Variants in TMEM132D observed in about 807,000 individuals in gnomAD.
TMEM132D encodes mature OL transmembrane protein.
Under a neutral mutation model 62.3 loss-of-function variants are expected in TMEM132D, and 21 were observed. The ratio of observed to expected loss-of-function variants is 0.34; its 90% CI spans 0.24 to 0.49. TMEM132D has a LOEUF of 0.49. TMEM132D is among the 20% of genes least tolerant of loss of function. TMEM132D has a pLI of 0.99. For missense variants in TMEM132D, 1,346 were observed against 1,402.8 expected (o/e 0.96, Z 0.65); for synonymous variants, 621 against 575.6 (o/e 1.08, Z -1.13).
chr12:129,372,664 T>C (rs953180615), intron 3 of TMEM132D, among the ~76,000 whole-genome samples: 1 of 151,954 alleles, frequency 6.6e-6, no homozygotes, highest in Non-Finnish European at 1.5e-5. Flanking sequence ...AAACTATGCA[T>C]GTGAGGGATC....
chr12:129,511,619 G>T (rs1000507031), intron 3 of TMEM132D, among the ~76,000 whole-genome samples: 1 of 152,070 alleles, frequency 6.6e-6, no homozygotes, highest in Non-Finnish European at 1.5e-5. Flanking sequence ...GTGCCTATTT[G>T]CCATCTGTAT....
At chr12:129,351,073 T>C (rs1869846383) in intron 3 of TMEM132D, among the ~76,000 whole-genome samples, 1 of 152,096 alleles carries the variant, frequency 6.6e-6, no homozygotes. Context: ...ACAGACCAGA[T>C]GTGGATGGGA....
chr12:129,814,503 T>G (rs1593172395), intron 1 of TMEM132D, among the ~76,000 whole-genome samples: 2 of 142,348 alleles, frequency 1.4e-5, no homozygotes, highest in South Asian at 4.5e-4. Context: ...CCCAGCTACT[T>G]GGGAGGCTGA....
At chr12:129,418,539 A>G (rs1386184902) in intron 3 of TMEM132D, among the ~76,000 whole-genome samples, 4 of 152,088 alleles carry the variant, frequency 2.6e-5, no homozygotes, top group African/African-American at 9.7e-5. Context: ...GGAGGGGAAC[A>G]TCACACACCG....
intron 3 of TMEM132D, among the ~76,000 whole-genome samples, chr12:129,497,638 C>T (rs990254656): frequency 6.6e-6 from 1 of 151,880 alleles, no homozygotes; most frequent in Non-Finnish European, 1.5e-5. Flanking sequence ...CTTTGAAAAG[C>T]TTATTAGAGC....
At chr12:129,755,522 C>T (rs537839073) in intron 1 of TMEM132D, among the ~76,000 whole-genome samples, 48 of 152,098 alleles carry the variant, frequency 3.2e-4, no homozygotes, top group Admixed American at 7.2e-4. Flanking sequence ...CCCGATCGCT[C>T]ATCAGGGTCT....
At chr12:129,357,032 G>A (rs1209607228) in intron 3 of TMEM132D, among the ~76,000 whole-genome samples, 1 of 151,592 alleles carries the variant, frequency 6.6e-6, no homozygotes, top group Non-Finnish European at 1.5e-5. Context: ...GGATCACGAG[G>A]TCAGGAGATC....
intron 5 of TMEM132D, among the ~76,000 whole-genome samples, chr12:129,183,494 C>A (rs1384581054): frequency 2.0e-5 from 3 of 152,238 alleles, no homozygotes; most frequent in Non-Finnish European, 4.4e-5. Context: ...CTTCACGCCA[C>A]CTGAGCTCCT....
chr12:129,475,702 T>C (rs1874234195), intron 3 of TMEM132D, among the ~76,000 whole-genome samples: 1 of 152,206 alleles, frequency 6.6e-6, no homozygotes, highest in Non-Finnish European at 1.5e-5. Context: ...AGGAAAGTGA[T>C]TTATAACAAA....
intron 3 of TMEM132D, among the ~76,000 whole-genome samples, chr12:129,375,429 G>A (rs1255661506): frequency 6.6e-6 from 1 of 152,154 alleles, no homozygotes; most frequent in Non-Finnish European, 1.5e-5. Context: ...ACTGATGCTT[G>A]GAGTCCCACC....
chr12:129,175,895 T>C (rs925779862), intron 5 of TMEM132D, among the ~76,000 whole-genome samples: 15 of 152,232 alleles, frequency 9.9e-5, no homozygotes, highest in African/African-American at 2.4e-4. Context: ...GAAACTCTTA[T>C]AGGGTTTAAG....
At chr12:129,422,959 G>T (rs371149750) in intron 3 of TMEM132D, among the ~76,000 whole-genome samples, 2 of 150,756 alleles carry the variant, frequency 1.3e-5, no homozygotes, top group East Asian at 3.9e-4. Flanking sequence ...TAGAATCAAC[G>T]AAGGAAAGTA....
intron 5 of TMEM132D, among the ~76,000 whole-genome samples, chr12:129,205,376 G>GAA (rs35326308): frequency 0.01 from 1,162 of 111,360 alleles, 16 homozygotes; most frequent in African/African-American, 0.034. Context: ...CCTAATTTCA[G>GAA]AAAAAAAAAA....
intron 3 of TMEM132D, among the ~76,000 whole-genome samples, chr12:129,453,081 A>C (rs1873351100): frequency 6.6e-6 from 1 of 152,190 alleles, no homozygotes; most frequent in Non-Finnish European, 1.5e-5. Flanking sequence ...CACAAACCCT[A>C]TTGTGAACTG....
rs1448655817 is a variant in TMEM132D, at chr12:129,867,130, T to C, written c.79+36131A>G. 1.3e-5 allele frequency among the ~76,000 whole-genome samples: 2 copies of C among 151,748 alleles called. No individual in the cohort carries two copies. Among genetic ancestry groups the C allele is most frequent in the East Asian group, 1.9e-4 (1 of 5,180 alleles). ...CAGAAATTAGCTGGGCACGGTGGTA[T>C]GTGCCTGTAGTCCTAGCTACATGGG... On this transcript the variant is annotated intron_variant, in intron 1 of 8. Coordinates refer to ENST00000422113, the MANE Select transcript of TMEM132D (RefSeq NM_133448.3). This position sits in a 1 kb window ranked among gnomAD's most constrained non-coding sequence, Gnocchi z 4.5.
At chr12:129,620,588 G>A (rs1485446900) in intron 2 of TMEM132D, among the ~76,000 whole-genome samples, 1 of 152,164 alleles carries the variant, frequency 6.6e-6, no homozygotes, top group Admixed American at 6.5e-5. Flanking sequence ...GACAGAGTGA[G>A]ACCCTGTCTA....
chr12:129,302,086 T>C (rs374936362), intron 4 of TMEM132D, among the ~76,000 whole-genome samples: 18 of 152,200 alleles, frequency 1.2e-4, no homozygotes, highest in South Asian at 6.2e-4. Context: ...ACAAGGTCTA[T>C]CCACATCCAC....
At chr12:129,148,379 C>G (rs760577529) in intron 5 of TMEM132D, among the ~76,000 whole-genome samples, 1 of 152,088 alleles carries the variant, frequency 6.6e-6, no homozygotes, top group Non-Finnish European at 1.5e-5. Flanking sequence ...GGAGGTTATC[C>G]TGGTTTATCT....
chr12:129,823,821 T>G (rs920091704), intron 1 of TMEM132D, among the ~76,000 whole-genome samples: 22 of 152,238 alleles, frequency 1.4e-4, no homozygotes, highest in Non-Finnish European at 1.3e-4. Flanking sequence ...TTATAGGGCT[T>G]AATATAAGGT....
Sources: gnomAD v4.1 joint callset for allele counts (sites outside exome capture counted in the v4.1 genomes callset) on GRCh38, gnomAD v4.1.1 for gene constraint, Gnocchi (gnomAD v3.1) non-coding constraint, MANE v1.5 for transcripts, NCBI Gene and HGNC (gene_info 2026-07-23, HGNC 2026-07-21) for gene names.